PCDH11X: variants seen among roughly 807,000 people sequenced by gnomAD.
PCDH11X encodes the protein protocadherin 11 X-linked.
Under a neutral mutation model 53.3 loss-of-function variants are expected in PCDH11X, and 18 were observed. The ratio of observed to expected loss-of-function variants is 0.34; its 90% CI spans 0.23 to 0.50. The LOEUF is 0.50. Among genes scored for constraint, PCDH11X ranks in the 20% least tolerant of loss-of-function variants. The pLI is 0.98. For missense variants in PCDH11X, 570 were observed against 1,032.4 expected, an observed-to-expected ratio of 0.55 and a Z score of 6.14; for synonymous variants, 279 against 393.3, an observed-to-expected ratio of 0.71 and a Z score of 3.44.
chrX:92,207,633 T>C (rs945238985), intron 7 of PCDH11X, among the ~76,000 whole-genome samples: 4 of 111,963 alleles, frequency 3.6e-5, no homozygotes, highest in East Asian at 2.8e-4. Flanking sequence ...TAATCATGTC[T>C]TATTTTTACT....
At chrX:92,464,798 G>T (rs1416167254) in intron 9 of PCDH11X, among the ~76,000 whole-genome samples, 2 of 107,059 alleles carry the variant, frequency 1.9e-5, no homozygotes, top group Middle Eastern at 4.3e-3. Context: ...AATCTTTTTT[G>T]CATATTTTGT....
At chrX:92,508,350 G>A (rs2074103736) in intron 10 of PCDH11X, among the ~76,000 whole-genome samples, 1 of 109,510 alleles carries the variant, frequency 9.1e-6, no homozygotes, top group South Asian at 4.0e-4. Flanking sequence ...AGTCTCCCAA[G>A]TGGCTGAGAT....
intron 6 of PCDH11X, among the ~76,000 whole-genome samples, chrX:91,992,596 T>C (rs1394239609): frequency 2.1e-5 from 2 of 96,372 alleles, no homozygotes; most frequent in Admixed American, 2.2e-4. Flanking sequence ...CTAGTGCAGT[T>C]GTAAATATTG....
chrX:91,875,010 T>C (rs1224893124), intron 5 of PCDH11X, among the ~76,000 whole-genome samples: 1 of 108,316 alleles, frequency 9.2e-6, no homozygotes, highest in Non-Finnish European at 1.9e-5. Flanking sequence ...AAAAATGTAG[T>C]AGAGAATTAA....
chrX:92,487,048 C>CTTTTTTTTTTTTTTTTTTTTTT (rs758641899), intron 10 of PCDH11X, among the ~76,000 whole-genome samples: 4 of 67,819 alleles, frequency 5.9e-5, no homozygotes, highest in African/African-American at 2.5e-4. Context: ...AATATGCTTC[C>CTTTTTTTTTTTTTTTTTTTTTT]TTTTTTTTTT....
intron 10 of PCDH11X, among the ~76,000 whole-genome samples, chrX:92,514,718 G>A (rs34903786): frequency 1.2e-4 from 13 of 108,083 alleles, no homozygotes; most frequent in African/African-American, 2.0e-4. Flanking sequence ...GTGACAGAGC[G>A]TGACTACATC....
chrX:91,875,504 G>A (rs1330458377), intron 5 of PCDH11X, among the ~76,000 whole-genome samples: 11 of 108,155 alleles, frequency 1.0e-4, no homozygotes, highest in Non-Finnish European at 1.9e-5. Context: ...TGTTAGCCAG[G>A]ATGGTCTCGA....
At chrX:92,590,481 G>T (rs771090603) in intron 10 of PCDH11X, among the ~76,000 whole-genome samples, 1 of 110,672 alleles carries the variant, frequency 9.0e-6, no homozygotes, top group Non-Finnish European at 1.9e-5. Context: ...CTCTGCTGAT[G>T]AGGTGCTGTT....
intron 6 of PCDH11X, among the ~76,000 whole-genome samples, chrX:92,007,347 C>G (rs1408768827): frequency 8.9e-6 from 1 of 111,873 alleles, no homozygotes; most frequent in Non-Finnish European, 1.9e-5. Flanking sequence ...CACTCTTCCC[C>G]CCTCTTTCCA....
Position 92,201,337 on chromosome X carries a change from A to G in PCDH11X, c.3034-38A>G, listed in dbSNP as rs907672370. ...TGTACTGTGTATTTTACTTTTAACA[A>G]ACAGCTTAAAATACTTCTATTTTCT... On this transcript the variant is annotated intron_variant, in intron 6 of 10. Coordinates refer to ENST00000682573, the MANE Select transcript of PCDH11X (RefSeq NM_032968.5). The G allele has an allele frequency of 2.6e-6, 3 of 1,172,488 alleles. No individual in the cohort carries two copies. The African/African-American group carries it at 5.4e-5, about 21-fold the overall frequency.
At chrX:92,601,140 G>C (rs1324434807) in intron 10 of PCDH11X, among the ~76,000 whole-genome samples, 1 of 108,956 alleles carries the variant, frequency 9.2e-6, no homozygotes. Context: ...GTGAACTTTT[G>C]AGTTATTGCT....
intron 6 of PCDH11X, among the ~76,000 whole-genome samples, chrX:92,049,527 T>A (rs1274236469): frequency 1.8e-5 from 2 of 110,783 alleles, no homozygotes; most frequent in Admixed American, 1.9e-4. Flanking sequence ...CATCATTTCT[T>A]GAAAAATTAA....
intron 10 of PCDH11X, among the ~76,000 whole-genome samples, chrX:92,559,469 A>ACACC (rs1556491367): frequency 9.3e-6 from 1 of 107,758 alleles, no homozygotes; most frequent in African/African-American, 3.4e-5. Flanking sequence ...ACACACACAC[A>ACACC]CCACTGTCAT....
chrX:92,148,770 A>ATG (rs1255686570), intron 6 of PCDH11X, among the ~76,000 whole-genome samples: 3 of 107,064 alleles, frequency 2.8e-5, no homozygotes, highest in East Asian at 5.9e-4. Context: ...TTATATATAT[A>ATG]TGTGTGTGTA....
chrX:92,439,229 A>G (rs941988997), intron 9 of PCDH11X, among the ~76,000 whole-genome samples: 1 of 111,403 alleles, frequency 9.0e-6, no homozygotes, highest in African/African-American at 3.3e-5. Flanking sequence ...CTTTAGGGTC[A>G]TACCTCTGAA....
At chrX:91,894,132 A>G (rs1224102733) in intron 6 of PCDH11X, among the ~76,000 whole-genome samples, 1 of 112,238 alleles carries the variant, frequency 8.9e-6, no homozygotes, top group East Asian at 2.8e-4. Flanking sequence ...TACATGTTTT[A>G]TAAAAAATCG....
At chrX:92,009,898 T>G (rs1383211921) in intron 6 of PCDH11X, among the ~76,000 whole-genome samples, 7 of 109,112 alleles carry the variant, frequency 6.4e-5, no homozygotes, top group Non-Finnish European at 1.3e-4. Context: ...ACAGACGGGG[T>G]TTCACCATGC....
intron 8 of PCDH11X, among the ~76,000 whole-genome samples, chrX:92,275,714 G>T (rs994806730): frequency 9.0e-6 from 1 of 111,682 alleles, no homozygotes; most frequent in East Asian, 2.8e-4. Context: ...TAAAATGGGG[G>T]AATGGTAAGG....
At chrX:92,264,478 A>G (rs1291044185) in intron 8 of PCDH11X, among the ~76,000 whole-genome samples, 1 of 110,342 alleles carries the variant, frequency 9.1e-6, no homozygotes, top group Non-Finnish European at 1.9e-5. Context: ...GTGTGATTAT[A>G]TGTGTGTGTG....
Sources: allele counts gnomAD v4.1 joint callset (sites outside exome capture counted in the v4.1 genomes callset), GRCh38; gene constraint gnomAD v4.1.1; transcripts MANE v1.5; gene names NCBI Gene and HGNC (gene_info 2026-07-23, HGNC 2026-07-21).